The following TTC39C variants were observed in gnomAD, a reference collection of about 807,000 sequenced individuals.
TTC39C encodes the protein tetratricopeptide repeat domain 39C.
TTC39C carries 33 observed loss-of-function variants against 76.3 expected under a neutral mutation model. That is an observed-to-expected ratio of 0.43 (90% CI 0.33 to 0.58). TTC39C has a LOEUF of 0.58. Ranked by LOEUF, TTC39C falls within the 20% of genes least tolerant of loss-of-function variation. TTC39C has a pLI of 0.04. For missense variants in TTC39C, 595 were observed against 701.4 expected (o/e 0.85, Z 1.71); for synonymous variants, 254 against 260.6 (o/e 0.97, Z 0.24).
intron 1 of TTC39C, among the ~76,000 whole-genome samples, chr18:24,025,795 C>T (rs1481944494): frequency 6.6e-6 from 1 of 152,158 alleles, no homozygotes; most frequent in African/African-American, 2.4e-5. Flanking sequence ...CCCTAGCCTG[C>T]TTAGAACAGC....
At chr18:24,068,390 C>G (rs191531336) in intron 3 of TTC39C, among the ~76,000 whole-genome samples, 3 of 152,284 alleles carry the variant, frequency 2.0e-5, no homozygotes, top group Admixed American at 6.5e-5. Context: ...GGCTTGTCTA[C>G]TGTGTATACT....
chr18:24,030,291 G>A (rs1222795489), intron 1 of TTC39C, among the ~76,000 whole-genome samples: 1 of 152,148 alleles, frequency 6.6e-6, no homozygotes, highest in Non-Finnish European at 1.5e-5. Context: ...AGGAACTATT[G>A]CTGATGAGTT....
intron 8 of TTC39C, among the ~76,000 whole-genome samples, chr18:24,122,854 G>T (rs2084989003): frequency 6.6e-6 from 1 of 152,212 alleles, no homozygotes; most frequent in Admixed American, 6.5e-5. Context: ...ACTCCAGAGA[G>T]AAATGATCCC....
chr18:24,096,781 T>C (rs2084595590), intron 6 of TTC39C, among the ~76,000 whole-genome samples: 1 of 152,182 alleles, frequency 6.6e-6, no homozygotes, highest in Non-Finnish European at 1.5e-5. Context: ...CTTCAAAAAC[T>C]TCATTGACAA....
chr18:24,014,834 C>T lies in TTC39C; in HGVS notation c.-38C>T. On this transcript the variant is annotated 5_prime_UTR_variant, in exon 1 of 14. Coordinates refer to ENST00000317571, the MANE Select transcript of TTC39C (RefSeq NM_001135993.2). ...CGCGCGGGGCCGCAGCAGCTGCTCC[C>T]GATCTCGCCTCGGCCCAGCGCAGGG... 1 of 1,226,116 alleles carries T rather than the reference C, an allele frequency of 8.2e-7. No homozygotes were observed. Among genetic ancestry groups the T allele is most frequent in the Non-Finnish European group, 1.0e-6 (1 of 977,430 alleles). The allele number at this position is 1,226,116 out of a possible 1,614,324, so 76.0% of individuals were successfully genotyped here.
At chr18:24,113,039 G>A (rs894380209) in intron 6 of TTC39C, among the ~76,000 whole-genome samples, 2 of 152,100 alleles carry the variant, frequency 1.3e-5, no homozygotes, top group Admixed American at 6.6e-5. Flanking sequence ...AGCTGTGGGC[G>A]ATTCCCATTG....
intron 6 of TTC39C, among the ~76,000 whole-genome samples, chr18:24,094,724 C>G (rs902683706): frequency 6.6e-6 from 1 of 152,106 alleles, no homozygotes; most frequent in Non-Finnish European, 1.5e-5. Context: ...GAAGTATGTC[C>G]CAACAGTGTG....
intron 1 of TTC39C, among the ~76,000 whole-genome samples, chr18:24,016,932 TATC>T (rs879923893): frequency 6.6e-6 from 1 of 152,242 alleles, no homozygotes; most frequent in African/African-American, 2.4e-5. Context: ...AGGTGTATCT[TATC>T]ATGACAGTTT....
chr18:24,097,513 T>C (rs1417764480), intron 6 of TTC39C, among the ~76,000 whole-genome samples: 1 of 152,236 alleles, frequency 6.6e-6, no homozygotes, highest in Non-Finnish European at 1.5e-5. Context: ...AGTGAAACTT[T>C]GCTCATCTTT....
At chr18:24,109,229 A>AC in intron 6 of TTC39C, among the ~76,000 whole-genome samples, 1 of 150,078 alleles carries the variant, frequency 6.7e-6, no homozygotes. Flanking sequence ...GGTGGTGTGC[A>AC]CCTATAGTCC....
Position 24,125,561 on chromosome 18 carries a change from T to TA in TTC39C, c.1420+18dup, listed in dbSNP as rs771373965. The TA allele has an allele frequency of 1.9e-6, 3 of 1,613,786 alleles. No individual in the cohort carries two copies. Among genetic ancestry groups the TA allele is most frequent in the Non-Finnish European group, 2.5e-6 (3 of 1,179,902 alleles). ...AGAGGATGAGTCAAGGTAAAAAATT[T>TA]AAAAAAACCCAAAACTGTCTACTGG... On this transcript the variant is annotated intron_variant, in intron 10 of 13. Coordinates refer to ENST00000317571, the MANE Select transcript of TTC39C (RefSeq NM_001135993.2).
At chr18:24,111,631 A>C (rs921825520) in intron 6 of TTC39C, among the ~76,000 whole-genome samples, 5 of 150,462 alleles carry the variant, frequency 3.3e-5, no homozygotes, top group African/African-American at 1.2e-4. Context: ...ATGGTGGCTT[A>C]TGCTTATAAT....
intron 1 of TTC39C, among the ~76,000 whole-genome samples, chr18:24,058,952 C>G (rs903497458): frequency 6.6e-6 from 1 of 152,088 alleles, no homozygotes; most frequent in African/African-American, 2.4e-5. Context: ...TTTTGGCCAT[C>G]TTTTTAGGAA....
chr18:24,065,659 A>G (rs970927697), intron 2 of TTC39C, among the ~76,000 whole-genome samples: 2 of 152,210 alleles, frequency 1.3e-5, no homozygotes, highest in Non-Finnish European at 2.9e-5. Flanking sequence ...ATGTGGGTAG[A>G]ATGAACTTCT....
chr18:24,126,883 T>A (rs1235002040), intron 10 of TTC39C, among the ~76,000 whole-genome samples: 1 of 152,148 alleles, frequency 6.6e-6, no homozygotes, highest in East Asian at 1.9e-4. Context: ...GCATAGAACA[T>A]CTATAAATGT....
intron 1 of TTC39C, among the ~76,000 whole-genome samples, chr18:24,021,242 G>A (rs2083513696): frequency 1.3e-5 from 2 of 152,168 alleles, no homozygotes; most frequent in Non-Finnish European, 2.9e-5. Flanking sequence ...AAGGAGTCAG[G>A]TGGGGTAGGG....
chr18:24,064,059 T>G, intron 1 of TTC39C, 81 bp from the exon 2 acceptor site: 1 of 1,573,636 alleles, frequency 6.4e-7, no homozygotes. Context: ...ATGGTAATCA[T>G]GATATGTCAA....
At chr18:24,125,600 T>C (rs781658058) in intron 10 of TTC39C, 50 bp downstream of exon 10, 1 of 1,607,270 alleles carries the variant, frequency 6.2e-7, no homozygotes, top group Non-Finnish European at 8.5e-7. Flanking sequence ...CACTGGCTTC[T>C]TCTGTCAGTG....
chr18:23,999,417 G>A (rs907438638), intron 1 of TTC39C, among the ~76,000 whole-genome samples: 2 of 152,220 alleles, frequency 1.3e-5, no homozygotes, highest in Non-Finnish European at 2.9e-5. Flanking sequence ...CTTCGAAATC[G>A]TCACAGGGGA....
Sources: gnomAD v4.1 joint callset for allele counts (sites outside exome capture counted in the v4.1 genomes callset) on GRCh38, gnomAD v4.1.1 for gene constraint, MANE v1.5 for transcripts, NCBI Gene and HGNC (gene_info 2026-07-23, HGNC 2026-07-21) for gene names.